MAST4: variants seen among roughly 807,000 people sequenced by gnomAD.
MAST4 encodes the protein microtubule associated serine/threonine kinase family member 4.
In MAST4, 89 loss-of-function variants were observed where a neutral mutation model predicts 162.7. The ratio of observed to expected loss-of-function variants is 0.55; its 90% CI spans 0.46 to 0.65. MAST4 has a LOEUF of 0.65. MAST4 is among the 30% of genes least tolerant of loss of function. The pLI is 0.00. For missense variants in MAST4, 3,153 were observed against 3,374.0 expected (o/e 0.93, Z 1.62); for synonymous variants, 1,479 against 1,361.1 (o/e 1.09, Z -1.91).
intron 1 of MAST4, among the ~76,000 whole-genome samples, chr5:66,673,119 T>G (rs1747712055): frequency 6.6e-6 from 1 of 152,226 alleles, no homozygotes; most frequent in Admixed American, 6.5e-5. Context: ...TTTCATATCC[T>G]TTGGCCATTT....
rs745965169 is a variant in MAST4, at chr5:66,648,034, A to ATGTG, written c.363+51063_363+51066dup. 8.4e-3 allele frequency among the ~76,000 whole-genome samples: 1,000 copies of ATGTG among 118,986 alleles called. 11 individuals carry two copies. The highest frequency in any genetic ancestry group is 0.019 in the East Asian group (67 of 3,456). 78.1% of individuals were successfully genotyped at this position (118,986 alleles called of 152,430 possible). On this transcript the variant is annotated intron_variant, in intron 1 of 28. Coordinates refer to ENST00000403625, the MANE Select transcript of MAST4 (RefSeq NM_001164664.2). ...AATGTAGGCCTGTGTGTGTTAGGTA[A>ATGTG]TGTGTGTGTGTGTGTGTGTGTGTGT...
chr5:66,596,758 G>A lies in MAST4; in HGVS notation c.103G>A (p.Gly35Ser), dbSNP rs1347346949. The change falls in exon 1 of 29, where the codon GGT becomes AGT. Residue 35 changes from glycine (G) to serine (S), a missense_variant. Gly to Ser is a moderately conservative substitution (Grantham distance 56). Coordinates refer to ENST00000403625, the MANE Select transcript of MAST4 (RefSeq NM_001164664.2). ...TGCGCTGGTCGCCGCGTCCTCTCCG[G>A]GTGCTTCCTCGGCCGAGTCCTCCTC... is the stretch of plus-strand genomic sequence containing the variant. ...ASALVAASSP[G>S]ASSAESSSGS... The A allele has an allele frequency of 7.1e-7, 1 of 1,401,308 alleles. No homozygotes were observed. Among genetic ancestry groups the A allele is most frequent in the South Asian group, 1.8e-5 (1 of 56,106 alleles). The allele number at this position is 1,401,308 out of a possible 1,614,324, so 86.8% of individuals were successfully genotyped here. A position where few individuals can be genotyped will look rare whatever the true frequency, so the allele number is the denominator to read the frequency against.
At chr5:66,884,765 A>C (rs1269496145) in intron 3 of MAST4, among the ~76,000 whole-genome samples, 1 of 152,234 alleles carries the variant, frequency 6.6e-6, no homozygotes, top group Non-Finnish European at 1.5e-5. Context: ...CCTAGACTGC[A>C]ATTGCAAGGA....
At chr5:67,085,480 A>G (rs78322547) in intron 5 of MAST4, among the ~76,000 whole-genome samples, 2,141 of 152,330 alleles carry the variant, frequency 0.014, 32 homozygotes, top group African/African-American at 0.037. Flanking sequence ...TTGTTGGCTC[A>G]ATCAGTCAAG....
chr5:66,944,804 T>C (rs1743822640), intron 4 of MAST4, among the ~76,000 whole-genome samples: 1 of 152,248 alleles, frequency 6.6e-6, no homozygotes, highest in Non-Finnish European at 1.5e-5. Flanking sequence ...GCAGAATTCA[T>C]TTCCTTGCGA....
chr5:66,749,053 C>T (rs1291763112), intron 1 of MAST4, among the ~76,000 whole-genome samples: 1 of 151,948 alleles, frequency 6.6e-6, no homozygotes, highest in African/African-American at 2.4e-5. Flanking sequence ...TGAGAGGTGT[C>T]ACTCAGGAGG....
intron 5 of MAST4, among the ~76,000 whole-genome samples, chr5:67,078,917 T>TATATATATATA (rs1554093895): frequency 0.028 from 1,551 of 55,038 alleles, 74 homozygotes; most frequent in Non-Finnish European, 0.035. Flanking sequence ...TATAAATATA[T>TATATATATATA]ATATATATAT....
chr5:66,792,563 G>T (rs184463883), intron 3 of MAST4: 2 of 152,132 alleles, frequency 1.3e-5, no homozygotes, highest in African/African-American at 4.8e-5. Context: ...TTAGTTGCAG[G>T]TTGAGCACGA....
intron 3 of MAST4, among the ~76,000 whole-genome samples, chr5:66,814,738 G>C (rs2149720469): frequency 6.6e-6 from 1 of 152,276 alleles, no homozygotes; most frequent in South Asian, 2.1e-4. Context: ...AAGTCAACTG[G>C]GGGAAGAAAA....
intron 4 of MAST4, among the ~76,000 whole-genome samples, chr5:67,040,441 G>A (rs1408121812): frequency 6.6e-6 from 1 of 152,180 alleles, no homozygotes; most frequent in African/African-American, 2.4e-5. Flanking sequence ...GTGGAGGAAG[G>A]AGCGTCTATA....
At chr5:66,623,921 C>T (rs527810869) in intron 1 of MAST4, among the ~76,000 whole-genome samples, 3 of 152,110 alleles carry the variant, frequency 2.0e-5, no homozygotes, top group East Asian at 1.9e-4. Flanking sequence ...AAGTAAGATA[C>T]AAAAATCAAC....
Position 67,104,577 on chromosome 5 carries a change from T to C in MAST4, c.1356+2T>C, listed in dbSNP as rs1402823979. ...AAATTAGATAAGTTGCTACAGGAGG[T>C]AAGAACCATGTACCATATAGTTTTC... On this transcript the variant is annotated splice_donor_variant, in intron 10 of 28. Coordinates refer to ENST00000403625, the MANE Select transcript of MAST4 (RefSeq NM_001164664.2). LOFTEE classifies it high-confidence loss of function. 6.2e-7 allele frequency: 1 copy of C among 1,610,634 alleles called. No homozygotes were observed. The highest frequency in any genetic ancestry group is 2.2e-5 in the East Asian group (1 of 44,786).
Position 67,060,226 on chromosome 5 carries a change from A to G in MAST4, c.763+5734A>G, listed in dbSNP as rs552576074. ...AACTTGCTCACCTTGCGCTTCAGCT[A>G]TATCAGTTCCACTCCCCTCAATCTT... On this transcript the variant is annotated intron_variant, in intron 5 of 28. Coordinates refer to ENST00000403625, the MANE Select transcript of MAST4 (RefSeq NM_001164664.2). Among the ~76,000 whole-genome samples the G allele has an allele frequency of 1.2e-4, 19 of 152,320 alleles. No individual in the cohort carries two copies. The East Asian group carries it at 1.4e-3, about 11-fold the overall frequency.
At chr5:66,615,338 C>G (rs1056928261) in intron 1 of MAST4, among the ~76,000 whole-genome samples, 1 of 152,172 alleles carries the variant, frequency 6.6e-6, no homozygotes, top group Admixed American at 6.5e-5. Context: ...GGGTTTCCTG[C>G]CTGGCAGAGG....
At chr5:66,714,641 A>G (rs1240758293) in intron 1 of MAST4, among the ~76,000 whole-genome samples, 1 of 152,228 alleles carries the variant, frequency 6.6e-6, no homozygotes, top group Non-Finnish European at 1.5e-5. Context: ...ATTTTCTTAA[A>G]TGCATAACTG....
At position 67,166,162 on chromosome 5, in the gene MAST4, C is replaced by G. The variant is rs1221333286; in HGVS notation, c.6983C>G (p.Thr2328Ser). Residue 2328 changes from threonine to serine, a missense_variant, in exon 29 of 29, where the codon ACC becomes AGC. Coordinates refer to ENST00000403625, the MANE Select transcript of MAST4 (RefSeq NM_001164664.2). ...CTGTCCGCTGTTGGTGAAAAGCAAA[C>G]CCTGTCTCCAAAGCACCCCAAACCA... ...QKLSAVGEKQ[T>S]LSPKHPKPST... The G allele has an allele frequency of 6.4e-7, 1 of 1,564,176 alleles. No individual in the cohort carries two copies.
In MAST4 at chr5:67,145,305, C is replaced by T. The variant is rs1379271563; in HGVS notation, c.3020C>T (p.Pro1007Leu). ...PHEEPGKPALPPEECAQEEPE... is the reference protein window; with the variant it reads ...PHEEPGKPALLPEECAQEEPE... Reference sequence around the variant, plus strand: ...GAGGAGCCAGGAAAGCCAGCCCTTCCTCCTGAAGAGTGTGCCCAGGAGGAG... The same window carrying T: ...GAGGAGCCAGGAAAGCCAGCCCTTCTTCCTGAAGAGTGTGCCCAGGAGGAG... The change falls in exon 23 of 29, where the codon CCT becomes CTT. Residue 1007 changes from proline to leucine, a missense_variant. Transcript: ENST00000403625. 1 of 1,613,896 alleles carries T rather than the reference C, an allele frequency of 6.2e-7. No individual in the cohort carries two copies. The highest frequency in any genetic ancestry group is 8.5e-7 in the Non-Finnish European group (1 of 1,179,886).
chr5:66,686,467 C>T (rs549193696), intron 1 of MAST4, among the ~76,000 whole-genome samples: 1 of 152,256 alleles, frequency 6.6e-6, no homozygotes, highest in South Asian at 2.1e-4. Context: ...GATCAAAAAA[C>T]TGTCATGAAA....
intron 5 of MAST4, among the ~76,000 whole-genome samples, chr5:67,074,597 A>G (rs1262565428): frequency 1.3e-5 from 2 of 151,600 alleles, no homozygotes; most frequent in African/African-American, 4.8e-5. Flanking sequence ...TGTATAATGG[A>G]ATAATTTGTA....
Sources: allele counts gnomAD v4.1 joint callset (sites outside exome capture counted in the v4.1 genomes callset), GRCh38; gene constraint gnomAD v4.1.1; transcripts MANE v1.5; gene names NCBI Gene and HGNC (gene_info 2026-07-23, HGNC 2026-07-21).